The following ZNRF1 variants were observed in gnomAD, a reference collection of about 807,000 sequenced individuals.
The protein encoded by ZNRF1 is zinc and ring finger 1, also known as E3 ubiquitin-protein ligase ZNRF1.
In ZNRF1, 3 loss-of-function variants were observed where a neutral mutation model predicts 18.4. That is an observed-to-expected ratio of 0.16 (90% CI 0.07 to 0.42). ZNRF1 has a LOEUF of 0.42. ZNRF1 is among the 10% of genes least tolerant of loss of function. ZNRF1 has a pLI of 0.99. For synonymous variants in ZNRF1, 157 were observed against 144.2 expected (o/e 1.09, Z -0.64); for missense variants, 310 against 329.8 (o/e 0.94, Z 0.47).
chr16:75,036,223 A>G (rs907810055), intron 1 of ZNRF1, among the ~76,000 whole-genome samples: 17 of 152,210 alleles, frequency 1.1e-4, no homozygotes, highest in Non-Finnish European at 1.9e-4. Context: ...GGCATGTGCC[A>G]TCACACCTAG....
At chr16:75,094,061 C>A (rs896069566) in intron 2 of ZNRF1, among the ~76,000 whole-genome samples, 9 of 152,338 alleles carry the variant, frequency 5.9e-5, no homozygotes, top group East Asian at 1.9e-4. Context: ...AGAGCAAGCA[C>A]CCGCCCTCCT....
Position 74,999,605 on chromosome 16 carries a change from C to A in ZNRF1, c.-67C>A. ...CCCTTTATGCTCGCCCAGCCCTCCC[C>A]CTGCTGCTGAGAAGTGGGGGAGGGT... On this transcript the variant is annotated 5_prime_UTR_variant, in exon 1 of 5. Transcript: ENST00000335325. 8.5e-7 allele frequency: 1 copy of A among 1,183,186 alleles called. No homozygotes were observed. The highest frequency in any genetic ancestry group is 1.1e-6 in the Non-Finnish European group (1 of 924,372). The allele number at this position is 1,183,186 out of a possible 1,614,324, so 73.3% of individuals were successfully genotyped here. A position where few individuals can be genotyped will look rare whatever the true frequency, so the allele number is the denominator to read the frequency against.
chr16:75,087,928 G>T (rs547028127), intron 1 of ZNRF1, among the ~76,000 whole-genome samples: 1 of 152,372 alleles, frequency 6.6e-6, no homozygotes, highest in South Asian at 2.1e-4. Context: ...GCCGCTCAGA[G>T]CCTGCTCTCA....
chr16:75,041,241 C>G (rs866621418), intron 1 of ZNRF1, among the ~76,000 whole-genome samples: 7 of 152,194 alleles, frequency 4.6e-5, no homozygotes, highest in African/African-American at 1.7e-4. Context: ...TTTGCCACAT[C>G]CTTGCCAACA....
At chr16:75,021,669 T>C (rs1447796745) in intron 1 of ZNRF1, among the ~76,000 whole-genome samples, 1 of 152,254 alleles carries the variant, frequency 6.6e-6, no homozygotes, top group Admixed American at 6.5e-5. Flanking sequence ...CATTATCTTC[T>C]AGCTTTTGAT....
chr16:75,019,792 G>A (rs1161820393), intron 1 of ZNRF1, among the ~76,000 whole-genome samples: 2 of 151,874 alleles, frequency 1.3e-5, no homozygotes, highest in Non-Finnish European at 2.9e-5. Context: ...TGGTGCAGTC[G>A]CGGCTCACTG....
chr16:75,016,702 T>C (rs1384981065), intron 1 of ZNRF1, among the ~76,000 whole-genome samples: 1 of 144,730 alleles, frequency 6.9e-6, no homozygotes, highest in Admixed American at 6.8e-5. Flanking sequence ...TGCCTGGCTT[T>C]TTTTTTTTTT....
At chr16:75,019,828 G>C (rs577868746) in intron 1 of ZNRF1, among the ~76,000 whole-genome samples, 2 of 151,996 alleles carry the variant, frequency 1.3e-5, no homozygotes, top group Non-Finnish European at 1.5e-5. Context: ...GGACTCAAGC[G>C]ATCCTCCTGC....
chr16:75,029,239 C>A (rs566481436), intron 1 of ZNRF1, among the ~76,000 whole-genome samples: 1 of 152,052 alleles, frequency 6.6e-6, no homozygotes, highest in African/African-American at 2.4e-5. Context: ...CTCCACCTTC[C>A]GGGTTCACGC....
chr16:75,028,829 C>T lies in ZNRF1; in HGVS notation c.424+28734C>T, dbSNP rs2035259443. Among the ~76,000 whole-genome samples, 3 of 152,180 alleles carry T rather than the reference C, an allele frequency of 2.0e-5. No individual in the cohort carries two copies. The South Asian group carries it at 6.2e-4, about 32-fold the overall frequency. ...ATTTTACCCAGCTGGTCATTTCCTTCCCCTTGAAACACTGTCTTCACTGCT... is the reference window on the plus strand; with the variant it reads ...ATTTTACCCAGCTGGTCATTTCCTTTCCCTTGAAACACTGTCTTCACTGCT... On this transcript the variant is annotated intron_variant, in intron 1 of 4. Transcript: ENST00000335325.
At chr16:75,032,404 C>T (rs557447880) in intron 1 of ZNRF1, among the ~76,000 whole-genome samples, 35 of 152,120 alleles carry the variant, frequency 2.3e-4, no homozygotes, top group African/African-American at 3.1e-4. Flanking sequence ...CCACTGCACC[C>T]GGCCTTTTCT....
intron 1 of ZNRF1, among the ~76,000 whole-genome samples, chr16:75,003,907 G>A (rs913227727): frequency 2.6e-5 from 4 of 152,038 alleles, no homozygotes; most frequent in Admixed American, 1.3e-4. Context: ...GGAGAGTGGT[G>A]GAGTTCCTAT....
chr16:75,091,931 G>A (rs1357533514), intron 1 of ZNRF1, among the ~76,000 whole-genome samples: 1 of 151,996 alleles, frequency 6.6e-6, no homozygotes, highest in Non-Finnish European at 1.5e-5. Context: ...GATTAAGATG[G>A]ATTTTGTATG....
intron 1 of ZNRF1, among the ~76,000 whole-genome samples, chr16:75,090,340 CCTTT>C (rs1212221282): frequency 6.6e-6 from 1 of 151,520 alleles, no homozygotes; most frequent in Non-Finnish European, 1.5e-5. Flanking sequence ...GAATTCCCCT[CCTTT>C]CTTTATAGTC....
intron 1 of ZNRF1, among the ~76,000 whole-genome samples, chr16:75,043,068 G>C (rs1450219864): frequency 1.3e-5 from 2 of 152,158 alleles, no homozygotes; most frequent in Non-Finnish European, 2.9e-5. Context: ...AAAAATACTT[G>C]AATAGAAGTG....
intron 1 of ZNRF1, among the ~76,000 whole-genome samples, chr16:75,016,109 A>T (rs569451600): frequency 6.7e-6 from 1 of 150,302 alleles, no homozygotes; most frequent in Admixed American, 6.6e-5. Flanking sequence ...TTTAGTAGAG[A>T]CGGGGTTTCA....
intron 1 of ZNRF1, among the ~76,000 whole-genome samples, chr16:75,063,012 A>G (rs1251547512): frequency 6.6e-6 from 1 of 152,206 alleles, no homozygotes; most frequent in East Asian, 1.9e-4. Context: ...GACCTGTGGT[A>G]GGAAAGAAAC....
In ZNRF1 at chr16:75,095,566, G is replaced by A. The variant is rs1334131743; in HGVS notation, c.520+1899G>A. 3 of 1,500,316 alleles carry A rather than the reference G, an allele frequency of 2.0e-6. No homozygotes were observed. The South Asian group carries it at 3.8e-5, about 19-fold the overall frequency. The allele number at this position is 1,500,316 out of a possible 1,614,324, so 92.9% of individuals were successfully genotyped here. On this transcript the variant is annotated intron_variant, in intron 2 of 4. Coordinates refer to ENST00000335325, the MANE Select transcript of ZNRF1 (RefSeq NM_032268.5). ...CTCCGTTTGTCCTGTGGGTTGCTAG[G>A]GCGTTCTCTGTAGACACTGCGTTTG...
rs2036356400 is a variant in ZNRF1 at position 75,109,491 on chromosome 16, C to T, written c.*1791C>T. The T allele has an allele frequency of 6.5e-6, 1 of 152,926 alleles. No individual in the cohort carries two copies. Among genetic ancestry groups the T allele is most frequent in the African/African-American group, 2.4e-5 (1 of 41,474 alleles). The allele number at this position is 152,926 out of a possible 1,614,324, so 9.5% of individuals were successfully genotyped here. ...TCAGATGCTTCCAGAAGCACCTACTCTGTGCAAGGGCATTCACAACAGGCC... is the reference window on the plus strand; with the variant it reads ...TCAGATGCTTCCAGAAGCACCTACTTTGTGCAAGGGCATTCACAACAGGCC... On this transcript the variant is annotated 3_prime_UTR_variant, in exon 5 of 5. Transcript: ENST00000335325.
Sources: allele counts gnomAD v4.1 joint callset (sites outside exome capture counted in the v4.1 genomes callset), GRCh38; gene constraint gnomAD v4.1.1; transcripts MANE v1.5; gene names NCBI Gene and HGNC (gene_info 2026-07-23, HGNC 2026-07-21).